The following CUX2 variants were observed in gnomAD, a reference collection of about 807,000 sequenced individuals.
The protein encoded by CUX2 is cut like homeobox 2.
CUX2 carries 40 observed loss-of-function variants against 144.8 expected under a neutral mutation model. The ratio of observed to expected loss-of-function variants is 0.28; its 90% CI spans 0.21 to 0.36. The LOEUF is 0.36. Ranked by LOEUF, CUX2 falls within the 10% of genes least tolerant of loss-of-function variation. CUX2 has a pLI of 1.00. For missense variants in CUX2, 1,615 were observed against 1,994.0 expected, an observed-to-expected ratio of 0.81 and a Z score of 3.62; for synonymous variants, 827 against 875.6, an observed-to-expected ratio of 0.94 and a Z score of 0.98.
At chr12:111,125,114 C>T (rs1322476715) in intron 1 of CUX2, among the ~76,000 whole-genome samples, 1 of 152,068 alleles carries the variant, frequency 6.6e-6, no homozygotes, top group Non-Finnish European at 1.5e-5. Flanking sequence ...GGAGCAACTC[C>T]CCATTCTCTC....
Position 111,334,679 on chromosome 12 carries a change from G to A in CUX2, c.3165G>A (p.Arg1055=). The change falls in exon 19 of 22, where the codon AGG becomes AGA. Residue 1055 remains arginine (R), a synonymous_variant. Transcript: ENST00000261726. ...TGGACACGTACTCCATCACCAAGAG[G>A]GTGAAGGAGGTCCTCACAGACAACA... is the stretch of plus-strand genomic sequence containing the variant. The part of the protein sequence containing the change: ...PELDTYSITK[R]VKEVLTDNNL... 6.2e-7 allele frequency: 1 copy of A among 1,612,654 alleles called. No individual in the cohort carries two copies. The highest frequency in any genetic ancestry group is 8.5e-7 in the Non-Finnish European group (1 of 1,179,296).
Position 111,320,571 on chromosome 12 carries a change from T to G in CUX2, c.2562T>G (p.Ala854=). The change falls in exon 17 of 22, where the codon GCT becomes GCG. Residue 854 remains alanine, a synonymous_variant. Transcript: ENST00000261726. This position sits in a 1 kb window ranked among gnomAD's most constrained non-coding sequence, Gnocchi z 8.1. ...CCCCCAGGACGGGCGAGCTCAAGGC[T>G]GAGGGCGCGACGGCCGAGGCGGGCG... ...DEPPRTGELK[A]EGATAEAGAR... is the part of the protein sequence containing the mutation. 1 of 1,530,088 alleles carries G rather than the reference T, an allele frequency of 6.5e-7. No homozygotes were observed. The highest frequency in any genetic ancestry group is 1.2e-5 in the South Asian group (1 of 82,874). 94.8% of individuals were successfully genotyped at this position (1,530,088 alleles called of 1,614,324 possible).
At position 111,293,320 on chromosome 12, in the gene CUX2, C is replaced by T; in HGVS notation, c.437-126C>T. The T allele has an allele frequency of 7.1e-7, 1 of 1,403,414 alleles. No homozygotes were observed. Among genetic ancestry groups the T allele is most frequent in the Non-Finnish European group, 9.4e-7 (1 of 1,059,164 alleles). The allele number at this position is 1,403,414 out of a possible 1,614,324, so 86.9% of individuals were successfully genotyped here. On this transcript the variant is annotated intron_variant, in intron 5 of 21. Coordinates refer to ENST00000261726, the MANE Select transcript of CUX2 (RefSeq NM_015267.4). This position sits in a 1 kb window ranked among gnomAD's most constrained non-coding sequence, Gnocchi z 4.5. ...CGGCCCGCAGGGCCCCACAGCTGCGCTCTCTCCAAGGCCCAAGTTTGGGAA... is the reference window on the plus strand; with the variant it reads ...CGGCCCGCAGGGCCCCACAGCTGCGTTCTCTCCAAGGCCCAAGTTTGGGAA...
chr12:111,153,568 C>A (rs1877193490), intron 1 of CUX2, among the ~76,000 whole-genome samples: 1 of 152,118 alleles, frequency 6.6e-6, no homozygotes, highest in Admixed American at 6.5e-5. Context: ...AGAAAAGGTA[C>A]AATGAAAATA....
At chr12:111,177,540 G>A (rs1351812167) in intron 1 of CUX2, among the ~76,000 whole-genome samples, 2 of 152,102 alleles carry the variant, frequency 1.3e-5, no homozygotes, top group Admixed American at 1.3e-4. Context: ...ACAGGTACGC[G>A]CCACCACGCC....
In CUX2 at chr12:111,061,727, G is replaced by GCCTGGC. The variant is rs554041077; in HGVS notation, c.63+27499_63+27504dup. 4.3e-3 allele frequency among the ~76,000 whole-genome samples: 659 copies of GCCTGGC among 152,310 alleles called. 6 individuals are homozygous for GCCTGGC. The highest frequency in any genetic ancestry group is 0.015 in the African/African-American group (618 of 41,552). The stretch of plus-strand genomic sequence containing the variant: ...AAGTGAGTGGGTCACTCTCCCCTCA[G>GCCTGGC]CCTGGCCCTGGCCCTGGGTATCTCT... On this transcript the variant is annotated intron_variant, in intron 1 of 21. Coordinates refer to ENST00000261726, the MANE Select transcript of CUX2 (RefSeq NM_015267.4). The surrounding 1 kb of genome is among the most constrained non-coding windows in gnomAD (Gnocchi z 4.2).
chr12:111,036,554 T>C (rs540240386), intron 1 of CUX2, among the ~76,000 whole-genome samples: 2 of 150,722 alleles, frequency 1.3e-5, no homozygotes, highest in East Asian at 3.9e-4. Context: ...AGGATAAAGG[T>C]AGGGGGTGGT....
intron 18 of CUX2, among the ~76,000 whole-genome samples, chr12:111,334,192 A>G (rs1047754984): frequency 1.3e-5 from 2 of 151,872 alleles, no homozygotes; most frequent in Non-Finnish European, 2.9e-5. Flanking sequence ...GTCTTAAAAA[A>G]AAAAAAAAAA....
chr12:111,218,018 G>A, intron 3 of CUX2, 81 bp downstream of exon 3: 1 of 1,482,738 alleles, frequency 6.7e-7, no homozygotes, highest in African/African-American at 1.4e-5. Flanking sequence ...TGCCCAGGGG[G>A]GCCAGCAGCC....
chr12:111,183,238 G>A (rs1041825748), intron 1 of CUX2, among the ~76,000 whole-genome samples: 2 of 152,258 alleles, frequency 1.3e-5, no homozygotes, highest in Non-Finnish European at 2.9e-5. Context: ...ATCCAGTCGG[G>A]ACTCAGCTGG....
At chr12:111,340,734 G>T (rs1408600449) in intron 20 of CUX2, among the ~76,000 whole-genome samples, 2 of 152,138 alleles carry the variant, frequency 1.3e-5, no homozygotes, top group Admixed American at 1.3e-4. Context: ...ATTTGCCCTG[G>T]CATGCTTATA....
intron 2 of CUX2, 134 bp downstream of exon 2, chr12:111,214,444 A>T (rs550420363): frequency 3.5e-6 from 2 of 577,388 alleles, no homozygotes; most frequent in South Asian, 4.8e-5. Flanking sequence ...GAAAAATGAC[A>T]GCCCCTAACC....
At chr12:111,275,708 G>T (rs938942743) in intron 4 of CUX2, among the ~76,000 whole-genome samples, 6 of 152,172 alleles carry the variant, frequency 3.9e-5, no homozygotes, top group African/African-American at 1.4e-4. Context: ...GACAGCCTGG[G>T]TGTACCCGGA....
intron 4 of CUX2, among the ~76,000 whole-genome samples, chr12:111,265,428 G>A (rs1406501099): frequency 6.6e-6 from 1 of 151,452 alleles, no homozygotes; most frequent in Non-Finnish European, 1.5e-5. Context: ...TGCAACCTCC[G>A]CCTCCCGGGT....
intron 1 of CUX2, among the ~76,000 whole-genome samples, chr12:111,126,075 C>G (rs372762549): frequency 6.7e-6 from 1 of 149,144 alleles, no homozygotes. Flanking sequence ...AAGGAATTGG[C>G]TCATGTGTTC....
chr12:111,129,879 C>A (rs1875353598), intron 1 of CUX2, among the ~76,000 whole-genome samples: 1 of 152,098 alleles, frequency 6.6e-6, no homozygotes, highest in African/African-American at 2.4e-5. Context: ...GGGAAATAAC[C>A]ATAGAATGCA....
At chr12:111,290,084 A>G (rs1016682491) in intron 4 of CUX2, among the ~76,000 whole-genome samples, 1 of 152,218 alleles carries the variant, frequency 6.6e-6, no homozygotes, top group African/African-American at 2.4e-5. Context: ...ATCCTTGCTC[A>G]GTGCCCCTCG....
At chr12:111,257,809 C>G (rs1465983503) in intron 3 of CUX2, among the ~76,000 whole-genome samples, 1 of 151,504 alleles carries the variant, frequency 6.6e-6, no homozygotes, top group African/African-American at 2.4e-5. Flanking sequence ...TCTTTTTCTC[C>G]TCCTTTCCAC....
intron 1 of CUX2, among the ~76,000 whole-genome samples, chr12:111,165,357 A>G (rs1000138858): frequency 1.3e-5 from 2 of 152,224 alleles, no homozygotes; most frequent in Non-Finnish European, 2.9e-5. Context: ...GAGTGACCTC[A>G]TTGAGGCAGT....
Sources: allele counts gnomAD v4.1 joint callset (sites outside exome capture counted in the v4.1 genomes callset), GRCh38; gene constraint gnomAD v4.1.1; non-coding constraint Gnocchi (gnomAD v3.1); transcripts MANE v1.5; gene names NCBI Gene and HGNC (gene_info 2026-07-23, HGNC 2026-07-21).